The following TMEM266 variants were observed in gnomAD, a reference collection of about 807,000 sequenced individuals.
The protein encoded by TMEM266 is transmembrane protein 266, also known as Hv1 related protein 1.
A neutral mutation model predicts 50.5 loss-of-function variants in TMEM266; 33 were observed. The observed-to-expected ratio is 0.65, with a 90% CI of 0.50 to 0.87. The LOEUF (loss-of-function observed/expected upper bound fraction) is 0.87. Among genes scored for constraint, TMEM266 ranks in the 40% least tolerant of loss-of-function variants. TMEM266 has a pLI of 0.00. For missense variants in TMEM266, 655 were observed against 695.1 expected (o/e 0.94, Z 0.65); for synonymous variants, 310 against 292.3 (o/e 1.06, Z -0.62).
At chr15:76,086,096 A>G (rs1176537968) in intron 1 of TMEM266, among the ~76,000 whole-genome samples, 1 of 152,092 alleles carries the variant, frequency 6.6e-6, no homozygotes, top group Non-Finnish European at 1.5e-5. Flanking sequence ...ACTTTTTTAT[A>G]AGAGCCAAAT....
intron 1 of TMEM266, among the ~76,000 whole-genome samples, chr15:76,131,188 C>T (rs1246645607): frequency 6.6e-6 from 1 of 152,142 alleles, no homozygotes; most frequent in African/African-American, 2.4e-5. Context: ...ACCAACCTGG[C>T]CAACATGGTG....
At chr15:76,200,504 T>G (rs559806408) in intron 9 of TMEM266, among the ~76,000 whole-genome samples, 6 of 152,314 alleles carry the variant, frequency 3.9e-5, no homozygotes, top group East Asian at 1.9e-4. Context: ...TACCCTGGCC[T>G]CCTCCTGCAA....
intron 1 of TMEM266, among the ~76,000 whole-genome samples, chr15:76,076,438 G>A (rs760484621): frequency 6.6e-6 from 1 of 152,046 alleles, no homozygotes; most frequent in Non-Finnish European, 1.5e-5. Flanking sequence ...TTGTTTTGAT[G>A]TGGGCTCTGG....
intron 1 of TMEM266, among the ~76,000 whole-genome samples, chr15:76,068,635 C>G (rs2036479917): frequency 6.6e-6 from 1 of 152,230 alleles, no homozygotes; most frequent in Non-Finnish European, 1.5e-5. Flanking sequence ...AAGATACTAT[C>G]TCTCTCTCCT....
chr15:76,170,795 C>T (rs898105186), intron 6 of TMEM266, among the ~76,000 whole-genome samples, 198 bp from the exon 7 acceptor site: 8 of 152,158 alleles, frequency 5.3e-5, no homozygotes, highest in African/African-American at 1.9e-4. Flanking sequence ...GGACAGAGTG[C>T]ATTCAGGAGA....
At chr15:76,097,383 G>T (rs530856249) in intron 1 of TMEM266, among the ~76,000 whole-genome samples, 1 of 152,120 alleles carries the variant, frequency 6.6e-6, no homozygotes, top group African/African-American at 2.4e-5. Context: ...GCTTAGTTTG[G>T]CTGGATATGA....
At chr15:76,071,512 AGGGCTCCAAGAGCACCTCTCCATTT>A (rs1428003596) in intron 1 of TMEM266, among the ~76,000 whole-genome samples, 2 of 152,238 alleles carry the variant, frequency 1.3e-5, no homozygotes, top group Non-Finnish European at 2.9e-5. Flanking sequence ...GCCAAGAGTG[AGGGCTCCAAGAGCACCTCTCCATTT>A]GGTGCCCCTA....
At chr15:76,191,711 G>A (rs2038572897) in intron 8 of TMEM266, 1 of 436,570 alleles carries the variant, frequency 2.3e-6, no homozygotes, top group Non-Finnish European at 4.0e-6. Flanking sequence ...TTCCTCTCCC[G>A]GGCATCCGTG....
intron 1 of TMEM266, among the ~76,000 whole-genome samples, chr15:76,080,403 C>T (rs999685802): frequency 4.1e-5 from 6 of 147,460 alleles, no homozygotes; most frequent in African/African-American, 1.3e-4. Flanking sequence ...AGGTATGCAC[C>T]ACCACGCCTG....
chr15:76,171,717 G>A (rs560264230), intron 7 of TMEM266, among the ~76,000 whole-genome samples: 1 of 152,306 alleles, frequency 6.6e-6, no homozygotes, highest in East Asian at 1.9e-4. Flanking sequence ...TTCCATCCCT[G>A]GGTCTCCATT....
At chr15:76,105,471 G>A (rs1295085099) in intron 1 of TMEM266, among the ~76,000 whole-genome samples, 1 of 152,190 alleles carries the variant, frequency 6.6e-6, no homozygotes, top group African/African-American at 2.4e-5. Flanking sequence ...CTCTAAGGCA[G>A]GGATCAGAAA....
At chr15:76,105,268 A>C (rs1008282842) in intron 1 of TMEM266, among the ~76,000 whole-genome samples, 3 of 152,058 alleles carry the variant, frequency 2.0e-5, no homozygotes, top group Non-Finnish European at 2.9e-5. Context: ...AAGAAAAAAA[A>C]AGTTTTATTC....
At chr15:76,151,964 GT>G (rs1168112734) in intron 3 of TMEM266, among the ~76,000 whole-genome samples, 5 of 152,246 alleles carry the variant, frequency 3.3e-5, no homozygotes, top group African/African-American at 1.2e-4. Context: ...CGCAGAGGTT[GT>G]TGTTCAGGAG....
At chr15:76,166,246 C>A (rs1281138818) in intron 5 of TMEM266, among the ~76,000 whole-genome samples, 2 of 152,126 alleles carry the variant, frequency 1.3e-5, no homozygotes, top group African/African-American at 4.8e-5. Context: ...GGGGGAAAAG[C>A]CAGCAGGTGG....
intron 1 of TMEM266, among the ~76,000 whole-genome samples, chr15:76,092,081 G>A (rs1031044330): frequency 2.6e-5 from 4 of 151,954 alleles, no homozygotes; most frequent in African/African-American, 7.2e-5. Flanking sequence ...CATGTTGAGC[G>A]ATATGATAGA....
chr15:76,159,986 T>C lies in TMEM266; in HGVS notation c.383-109T>C, dbSNP rs1053873215. Reference sequence around the variant, plus strand: ...AATTTCCACCAGATCTAAACGTTCATGCAGGCGGGCCCCGGGGTCCCAGAG... The same window carrying C: ...AATTTCCACCAGATCTAAACGTTCACGCAGGCGGGCCCCGGGGTCCCAGAG... On this transcript the variant is annotated intron_variant, in intron 4 of 10. Transcript: ENST00000388942. 4.8e-6 allele frequency: 5 copies of C among 1,031,906 alleles called. No individual in the cohort carries two copies. The Admixed American group carries it at 5.7e-5, about 12-fold the overall frequency. The allele number at this position is 1,031,906 out of a possible 1,614,324, so 63.9% of individuals were successfully genotyped here.
intron 1 of TMEM266, among the ~76,000 whole-genome samples, chr15:76,077,386 A>G (rs1459651131): frequency 3.3e-5 from 5 of 152,244 alleles, no homozygotes; most frequent in Middle Eastern, 3.4e-3. Flanking sequence ...CATTGAAGAC[A>G]TATCAACACG....
chr15:76,177,378 C>A (rs1384163231), intron 8 of TMEM266, among the ~76,000 whole-genome samples: 3 of 152,238 alleles, frequency 2.0e-5, no homozygotes, highest in African/African-American at 7.2e-5. Context: ...TACCTGTTGG[C>A]TCCTCGACCA....
intron 1 of TMEM266, among the ~76,000 whole-genome samples, chr15:76,105,542 G>GT (rs1248313424): frequency 6.6e-6 from 1 of 152,244 alleles, no homozygotes; most frequent in Non-Finnish European, 1.5e-5. Flanking sequence ...CATGGTCTCT[G>GT]TTGCACTATT....
Sources: allele counts gnomAD v4.1 joint callset (sites outside exome capture counted in the v4.1 genomes callset), GRCh38; gene constraint gnomAD v4.1.1; transcripts MANE v1.5; gene names NCBI Gene and HGNC (gene_info 2026-07-23, HGNC 2026-07-21).